The following DOCK4 variants were observed in gnomAD, a reference collection of about 807,000 sequenced individuals.
The protein encoded by DOCK4 is dedicator of cytokinesis 4, also known as dedicator of cytokinesis protein 4.
Under a neutral mutation model 268.1 loss-of-function variants are expected in DOCK4, and 97 were observed. The ratio of observed to expected loss-of-function variants is 0.36; its 90% CI spans 0.31 to 0.43. The LOEUF (loss-of-function observed/expected upper bound fraction) is 0.43, where lower values mean the gene tolerates loss of function less well. Among genes scored for constraint, DOCK4 ranks in the 20% least tolerant of loss-of-function variants. The pLI is 1.00. For missense variants in DOCK4, 2,145 were observed against 2,455.7 expected, an observed-to-expected ratio of 0.87 and a Z score of 2.67; for synonymous variants, 954 against 887.2, an observed-to-expected ratio of 1.08 and a Z score of -1.34.
intron 1 of DOCK4, among the ~76,000 whole-genome samples, chr7:112,067,368 C>T (rs1807175547): frequency 6.6e-6 from 1 of 152,004 alleles, no homozygotes; most frequent in Non-Finnish European, 1.5e-5. Flanking sequence ...TAAGACAGTG[C>T]TTCTTTCTGG....
rs762164098 is a variant in DOCK4 at position 111,728,401 on chromosome 7, G to T, written c.5801C>A (p.Thr1934Lys). 1.3e-6 allele frequency: 2 copies of T among 1,564,122 alleles called. No homozygotes were observed. The highest frequency in any genetic ancestry group is 1.3e-5 in the African/African-American group (1 of 74,130). Residue 1934 changes from threonine (T) to lysine (K), a missense_variant, in exon 53 of 53, where the codon ACG becomes AAG. Thr to Lys is a moderately conservative substitution (Grantham distance 78). Coordinates refer to ENST00000428084, the MANE Select transcript of DOCK4 (RefSeq NM_001363540.2). ...PLPHSLSIPV[T>K]SEPPALPPKP... is the part of the protein sequence containing the mutation. Reference sequence around the variant, plus strand: ...GGGGGGCAGCGCGGGCGGCTCCGACGTGACGGGGATGGAGAGGCTGTGAGG... The same window carrying T: ...GGGGGGCAGCGCGGGCGGCTCCGACTTGACGGGGATGGAGAGGCTGTGAGG...
At chr7:111,865,111 A>G (rs769329396) in intron 22 of DOCK4, among the ~76,000 whole-genome samples, 2 of 152,246 alleles carry the variant, frequency 1.3e-5, no homozygotes, top group Non-Finnish European at 2.9e-5. Context: ...ACAGGGAAAG[A>G]TAACTATTGG....
chr7:111,952,883 A>G (rs1282329225), intron 8 of DOCK4, among the ~76,000 whole-genome samples: 1 of 152,202 alleles, frequency 6.6e-6, no homozygotes, highest in African/African-American at 2.4e-5. Context: ...AAAAACAAAA[A>G]CAAAAATCCC....
At chr7:111,850,788 C>T (rs971029692) in intron 23 of DOCK4, among the ~76,000 whole-genome samples, 1 of 152,060 alleles carries the variant, frequency 6.6e-6, no homozygotes, top group South Asian at 2.1e-4. Flanking sequence ...CATTATCTAC[C>T]CAAATCCCAT....
intron 16 of DOCK4, among the ~76,000 whole-genome samples, chr7:111,888,828 A>C (rs943348371): frequency 2.6e-5 from 4 of 152,106 alleles, no homozygotes; most frequent in Non-Finnish European, 5.9e-5. Flanking sequence ...AGCCTTATAG[A>C]GGATAGGGGA....
intron 1 of DOCK4, among the ~76,000 whole-genome samples, chr7:112,100,455 T>C (rs1810576192): frequency 6.6e-6 from 1 of 152,230 alleles, no homozygotes; most frequent in Non-Finnish European, 1.5e-5. Context: ...TCCAGTTTTT[T>C]ACCCAAGCCT....
chr7:112,091,159 G>T (rs1308284388), intron 1 of DOCK4, among the ~76,000 whole-genome samples: 1 of 152,142 alleles, frequency 6.6e-6, no homozygotes, highest in Non-Finnish European at 1.5e-5. Context: ...CACTCACATT[G>T]CTTCACAGAC....
chr7:112,079,201 A>G (rs1285328993), intron 1 of DOCK4, among the ~76,000 whole-genome samples: 1 of 152,158 alleles, frequency 6.6e-6, no homozygotes, highest in Non-Finnish European at 1.5e-5. Flanking sequence ...ACAATTTCTA[A>G]AAGTTATACA....
chr7:112,166,406 G>T (rs533389122), intron 1 of DOCK4, among the ~76,000 whole-genome samples: 6 of 150,738 alleles, frequency 4.0e-5, no homozygotes, highest in African/African-American at 1.5e-4. Context: ...CATATCCACC[G>T]CCTCCAAAAG....
Position 111,872,495 on chromosome 7 carries a change from T to C in DOCK4, c.1814A>G (p.Lys605Arg). ...DKITGCLSKL[K>R]EIDGSEIVKF... ...TACTATCTCTGAGCCATCAATTTCT[T>C]TTAATTTAGAGAGACAGCCAGTGAT... The change falls in exon 18 of 53, where the codon AAA (lysine) becomes AGA (arginine). Residue 605 changes from lysine to arginine, a missense_variant. Physicochemically the swap from Lys to Arg is conservative, Grantham distance 26. Transcript: ENST00000428084. The C allele has an allele frequency of 6.2e-7, 1 of 1,601,740 alleles. No individual in the cohort carries two copies. Among genetic ancestry groups the C allele is most frequent in the Non-Finnish European group, 8.5e-7 (1 of 1,173,236 alleles).
chr7:111,820,798 T>C (rs976972546), intron 27 of DOCK4: 4 of 152,310 alleles, frequency 2.6e-5, no homozygotes, highest in African/African-American at 9.6e-5. Flanking sequence ...GACCAAATGT[T>C]GATGCTGCGT....
chr7:112,036,564 CAA>C (rs1316859306), intron 1 of DOCK4, among the ~76,000 whole-genome samples: 1 of 151,618 alleles, frequency 6.6e-6, no homozygotes, highest in Non-Finnish European at 1.5e-5. Flanking sequence ...ATATATATAA[CAA>C]AGGGTACGGA....
intron 1 of DOCK4, among the ~76,000 whole-genome samples, chr7:112,041,662 A>T (rs370464323): frequency 2.6e-5 from 4 of 152,290 alleles, no homozygotes; most frequent in African/African-American, 9.6e-5. Flanking sequence ...AGGATTGAAA[A>T]AGACTTTTTA....
At chr7:111,790,841 G>A (rs1436751027) in intron 30 of DOCK4, among the ~76,000 whole-genome samples, 2 of 151,546 alleles carry the variant, frequency 1.3e-5, no homozygotes, top group East Asian at 1.9e-4. Context: ...TGCAGATCAC[G>A]AGGTCAGGAG....
At chr7:112,169,437 G>C (rs912956457) in intron 1 of DOCK4, among the ~76,000 whole-genome samples, 1 of 152,102 alleles carries the variant, frequency 6.6e-6, no homozygotes, top group Non-Finnish European at 1.5e-5. Flanking sequence ...ATGCCACTTA[G>C]AACAGACTCA....
chr7:111,909,199 C>T (rs1049148666), intron 13 of DOCK4, among the ~76,000 whole-genome samples: 2 of 152,170 alleles, frequency 1.3e-5, no homozygotes, highest in Admixed American at 1.3e-4. Context: ...TACTAATAAT[C>T]GCCCATTCTA....
chr7:112,169,017 T>C (rs11536571), intron 1 of DOCK4, among the ~76,000 whole-genome samples: 14,589 of 152,302 alleles, frequency 0.096, 883 homozygotes, highest in East Asian at 0.16. Flanking sequence ...TGTGGAACTG[T>C]AATCCCCAAT....
At chr7:111,999,338 T>C (rs1046271090) in intron 3 of DOCK4, among the ~76,000 whole-genome samples, 7 of 152,092 alleles carry the variant, frequency 4.6e-5, no homozygotes. Context: ...TTCCATTCAA[T>C]AGTAGTAAAT....
chr7:112,033,225 A>G (rs1026825282), intron 1 of DOCK4, among the ~76,000 whole-genome samples: 7 of 152,062 alleles, frequency 4.6e-5, no homozygotes, highest in South Asian at 2.1e-4. Context: ...TCTAGAGTAG[A>G]AAAAAAATGG....
Sources: gnomAD v4.1 joint callset for allele counts (sites outside exome capture counted in the v4.1 genomes callset) on GRCh38, gnomAD v4.1.1 for gene constraint, MANE v1.5 for transcripts, NCBI Gene and HGNC (gene_info 2026-07-23, HGNC 2026-07-21) for gene names.